The following SGCZ variants were observed in gnomAD, a reference collection of about 807,000 sequenced individuals.
The protein encoded by SGCZ is sarcoglycan zeta.
Under a neutral mutation model 41.3 loss-of-function variants are expected in SGCZ, and 40 were observed. The observed-to-expected ratio is 0.97, with a 90% CI of 0.75 to 1.26. The LOEUF is 1.26. Among genes scored for constraint, SGCZ ranks in the 50% most tolerant of loss-of-function variants. SGCZ has a pLI of 0.00. For missense variants in SGCZ, 552 were observed against 369.8 expected (o/e 1.49, Z -4.04); for synonymous variants, 206 against 137.5 (o/e 1.50, Z -3.49).
chr8:14,924,593 AT>A (rs1799688210), intron 1 of SGCZ, among the ~76,000 whole-genome samples: 1 of 152,056 alleles, frequency 6.6e-6, no homozygotes, highest in Non-Finnish European at 1.5e-5. Flanking sequence ...ATATTTCTAG[AT>A]TTTTTAACAT....
At chr8:14,447,917 T>A (rs1444974680) in intron 2 of SGCZ, among the ~76,000 whole-genome samples, 1 of 152,164 alleles carries the variant, frequency 6.6e-6, no homozygotes, top group African/African-American at 2.4e-5. Context: ...ATATGACTTA[T>A]ATGGAAAATG....
intron 5 of SGCZ, among the ~76,000 whole-genome samples, chr8:14,138,031 T>A (rs1196219163): frequency 2.6e-5 from 4 of 152,188 alleles, no homozygotes; most frequent in African/African-American, 9.7e-5. Context: ...ATATGCAACA[T>A]TCTTAAAGAA....
intron 3 of SGCZ, among the ~76,000 whole-genome samples, chr8:14,277,397 T>C (rs1386354803): frequency 6.6e-6 from 1 of 151,104 alleles, no homozygotes; most frequent in Non-Finnish European, 1.5e-5. Flanking sequence ...ATTATATTTT[T>C]ACAACTCTAC....
At chr8:14,212,971 G>A in intron 4 of SGCZ, among the ~76,000 whole-genome samples, 1 of 151,924 alleles carries the variant, frequency 6.6e-6, no homozygotes, top group East Asian at 1.9e-4. Flanking sequence ...GAAATAACAG[G>A]AGATGTAATC....
intron 3 of SGCZ, chr8:14,319,645 G>A (rs1245304957): frequency 1.3e-5 from 2 of 152,040 alleles, no homozygotes; most frequent in East Asian, 3.9e-4. Flanking sequence ...CACAGACGAT[G>A]AGTAACTGTA....
At chr8:14,995,703 T>C (rs1036716671) in intron 1 of SGCZ, among the ~76,000 whole-genome samples, 2 of 152,216 alleles carry the variant, frequency 1.3e-5, no homozygotes, top group African/African-American at 2.4e-5. Flanking sequence ...CGTCTTCACA[T>C]GTAAAATAGC....
intron 1 of SGCZ, among the ~76,000 whole-genome samples, chr8:14,954,064 C>A (rs1227022365): frequency 6.6e-6 from 1 of 152,130 alleles, no homozygotes; most frequent in Non-Finnish European, 1.5e-5. Context: ...CTGAAGTATG[C>A]TCTTGAAATG....
chr8:14,365,100 CTT>C (rs951626643), intron 2 of SGCZ, among the ~76,000 whole-genome samples: 10 of 152,074 alleles, frequency 6.6e-5, no homozygotes, highest in Non-Finnish European at 1.3e-4. Flanking sequence ...ACAGCATGCC[CTT>C]TTCACTTTTG....
At position 14,162,517 on chromosome 8, in the gene SGCZ, T is replaced by A. The variant is rs2306166; in HGVS notation, c.547+2063A>T. 10 of 152,330 alleles carry A rather than the reference T, an allele frequency of 6.6e-5. No homozygotes were observed. The East Asian group carries it at 1.9e-3, about 29-fold the overall frequency. The allele number at this position is 152,330 out of a possible 1,614,324, so 9.4% of individuals were successfully genotyped here. A position where few individuals can be genotyped will look rare whatever the true frequency, so the allele number is the denominator to read the frequency against. ...GCCCTACAACTAATGTCCTTTCTGA[T>A]TTGTCTGTGTTCTATGACAAACAGA... On this transcript the variant is annotated intron_variant, in intron 5 of 7. Coordinates refer to ENST00000382080, the MANE Select transcript of SGCZ (RefSeq NM_139167.4).
chr8:14,550,856 A>T (rs1418018377), intron 2 of SGCZ, among the ~76,000 whole-genome samples: 1 of 151,906 alleles, frequency 6.6e-6, no homozygotes, highest in Non-Finnish European at 1.5e-5. Context: ...ATCTCTTGTA[A>T]TGTACAGATA....
At chr8:14,212,138 C>T (rs1805829968) in intron 4 of SGCZ, among the ~76,000 whole-genome samples, 1 of 152,090 alleles carries the variant, frequency 6.6e-6, no homozygotes, top group South Asian at 2.1e-4. Flanking sequence ...CCCAGCCATT[C>T]ACATTGTAGT....
chr8:14,902,676 G>C (rs143335712), intron 1 of SGCZ, among the ~76,000 whole-genome samples: 2,374 of 152,112 alleles, frequency 0.016, 31 homozygotes, highest in Middle Eastern at 0.031. Context: ...TCCTGACATT[G>C]AATTTGATAA....
intron 3 of SGCZ, among the ~76,000 whole-genome samples, chr8:14,265,242 T>C (rs1037047391): frequency 3.4e-4 from 52 of 152,158 alleles, no homozygotes; most frequent in African/African-American, 1.0e-3. Flanking sequence ...GCGGCAGTGT[T>C]TACCCTGAGA....
At chr8:14,262,781 C>G (rs1799718940) in intron 3 of SGCZ, among the ~76,000 whole-genome samples, 1 of 144,442 alleles carries the variant, frequency 6.9e-6, no homozygotes, top group Non-Finnish European at 1.5e-5. Flanking sequence ...AATCATGATG[C>G]AAATCCCAGT....
intron 3 of SGCZ, 110 bp from the exon 4 acceptor site, chr8:14,237,789 T>C (rs946406855): frequency 1.1e-6 from 1 of 893,746 alleles, no homozygotes; most frequent in Non-Finnish European, 1.7e-6. Context: ...TTGTTTGCTC[T>C]ATATTAGACA....
chr8:14,458,278 T>G (rs1053441235), intron 2 of SGCZ, among the ~76,000 whole-genome samples: 1 of 152,134 alleles, frequency 6.6e-6, no homozygotes, highest in African/African-American at 2.4e-5. Flanking sequence ...ACACAAATAT[T>G]TGGGAAAAGA....
At chr8:15,158,618 T>C (rs919284379) in intron 1 of SGCZ, among the ~76,000 whole-genome samples, 1 of 152,240 alleles carries the variant, frequency 6.6e-6, no homozygotes, top group Non-Finnish European at 1.5e-5. Flanking sequence ...GAAATTCATT[T>C]GGAACTTATA....
intron 1 of SGCZ, among the ~76,000 whole-genome samples, chr8:14,672,870 G>T (rs959947978): frequency 7.2e-5 from 11 of 152,110 alleles, no homozygotes; most frequent in Non-Finnish European, 1.2e-4. Flanking sequence ...TTATAAAGGG[G>T]TCAGAAAAAT....
At chr8:14,429,412 A>G (rs1009518482) in intron 2 of SGCZ, among the ~76,000 whole-genome samples, 19 of 152,170 alleles carry the variant, frequency 1.2e-4, no homozygotes, top group African/African-American at 4.6e-4. Flanking sequence ...CAACACTTAC[A>G]AGATATATTA....
Sources: allele counts gnomAD v4.1 joint callset (sites outside exome capture counted in the v4.1 genomes callset), GRCh38; gene constraint gnomAD v4.1.1; transcripts MANE v1.5; gene names NCBI Gene and HGNC (gene_info 2026-07-23, HGNC 2026-07-21).